The following DACH2 variants were observed in gnomAD, a reference collection of about 807,000 sequenced individuals.
The protein encoded by DACH2 is dachshund family transcription factor 2.
Under a neutral mutation model 35.8 loss-of-function variants are expected in DACH2, and 17 were observed. The ratio of observed to expected loss-of-function variants is 0.48; its 90% CI spans 0.33 to 0.71. The LOEUF (loss-of-function observed/expected upper bound fraction) is 0.71, where lower values mean the gene tolerates loss of function less well. Ranked by LOEUF, DACH2 falls within the 30% of genes least tolerant of loss-of-function variation. DACH2 has a pLI of 0.02. For synonymous variants in DACH2, 195 were observed against 177.3 expected (o/e 1.10, Z -0.79); for missense variants, 469 against 472.7 (o/e 0.99, Z 0.07).
chrX:86,419,297 T>A lies in DACH2; in HGVS notation c.527+42435T>A, dbSNP rs559122463. Reference sequence around the variant, plus strand: ...TTACTGTATTAGTCCATTTTCATGCTGCCGTTAAAGACATACCCGAGACTG... The same window carrying A: ...TTACTGTATTAGTCCATTTTCATGCAGCCGTTAAAGACATACCCGAGACTG... On this transcript the variant is annotated intron_variant, in intron 2 of 11. Coordinates refer to ENST00000373125, the MANE Select transcript of DACH2 (RefSeq NM_053281.3). Among the ~76,000 whole-genome samples the A allele has an allele frequency of 2.4e-4, 27 of 112,024 alleles. No individual in the cohort carries two copies. The South Asian group carries it at 9.3e-3, about 39-fold the overall frequency.
chrX:86,367,752 C>T (rs951730863), intron 1 of DACH2, among the ~76,000 whole-genome samples: 1 of 111,686 alleles, frequency 9.0e-6, no homozygotes, highest in African/African-American at 3.2e-5. Flanking sequence ...AACCCTGTTA[C>T]GTTCAGAATT....
intron 3 of DACH2, among the ~76,000 whole-genome samples, chrX:86,540,143 C>A (rs935808863): frequency 8.9e-6 from 1 of 111,967 alleles, no homozygotes; most frequent in Non-Finnish European, 1.9e-5. Flanking sequence ...TTTGATTTTT[C>A]TATGAGCATT....
At chrX:86,550,033 A>G (rs1252954605) in intron 3 of DACH2, among the ~76,000 whole-genome samples, 1 of 111,688 alleles carries the variant, frequency 9.0e-6, no homozygotes, top group Non-Finnish European at 1.9e-5. Flanking sequence ...ATCTGTAAAG[A>G]TAATTGCAGT....
chrX:86,832,276 T>G lies in DACH2; in HGVS notation c.*121T>G, dbSNP rs2042620576. On this transcript the variant is annotated 3_prime_UTR_variant, in exon 12 of 12. Coordinates refer to ENST00000373125, the MANE Select transcript of DACH2 (RefSeq NM_053281.3). ...GCAAAGCTTTGTTTACTGAAGGAGCTATTTAATCTATGTTACATTAAAAAA... is the reference window on the plus strand; with the variant it reads ...GCAAAGCTTTGTTTACTGAAGGAGCGATTTAATCTATGTTACATTAAAAAA... The G allele has an allele frequency of 1.8e-6, 1 of 550,868 alleles. No homozygotes were observed. Among genetic ancestry groups the G allele is most frequent in the African/African-American group, 2.4e-5 (1 of 42,266 alleles). The allele number at this position is 550,868 out of a possible 1,213,427, so 45.4% of individuals were successfully genotyped here.
chrX:86,455,331 G>A (rs1053926340), intron 2 of DACH2, among the ~76,000 whole-genome samples: 2 of 111,354 alleles, frequency 1.8e-5, no homozygotes, highest in African/African-American at 6.5e-5. Flanking sequence ...TGTGTTGGGA[G>A]GATTCTTTCT....
intron 1 of DACH2, among the ~76,000 whole-genome samples, chrX:86,324,417 T>C (rs1440339436): frequency 2.7e-5 from 3 of 111,214 alleles, no homozygotes; most frequent in African/African-American, 9.8e-5. Flanking sequence ...TAGAATATTA[T>C]ATAAACTTAG....
intron 1 of DACH2, among the ~76,000 whole-genome samples, chrX:86,324,870 A>T (rs767667898): frequency 9.1e-4 from 101 of 110,493 alleles, no homozygotes; most frequent in Middle Eastern, 4.6e-3. Flanking sequence ...CCTTCAGCAG[A>T]TCCCACCGTG....
intron 4 of DACH2, among the ~76,000 whole-genome samples, chrX:86,656,073 T>C (rs34448776): frequency 0.13 from 12,875 of 96,310 alleles, 796 homozygotes; most frequent in East Asian, 0.31. Flanking sequence ...GGTGATTACA[T>C]AGATCAATGA....
chrX:86,593,997 AT>A (rs998906210), intron 3 of DACH2, among the ~76,000 whole-genome samples: 26 of 111,073 alleles, frequency 2.3e-4, no homozygotes, highest in Non-Finnish European at 4.9e-4. Context: ...CTTTTAGAAA[AT>A]TATTAATAAT....
At chrX:86,479,735 A>G (rs1330069375) in intron 2 of DACH2, among the ~76,000 whole-genome samples, 1 of 111,048 alleles carries the variant, frequency 9.0e-6, no homozygotes, top group Non-Finnish European at 1.9e-5. Context: ...TTCTTTCTTC[A>G]CCTTTACCAA....
At chrX:86,348,627 C>CT (rs1386976185) in intron 1 of DACH2, among the ~76,000 whole-genome samples, 6 of 109,869 alleles carry the variant, frequency 5.5e-5, no homozygotes, top group Non-Finnish European at 7.6e-5. Flanking sequence ...TTAATATTTT[C>CT]TTTTTTTTTA....
intron 3 of DACH2, among the ~76,000 whole-genome samples, chrX:86,600,119 G>C (rs767879625): frequency 1.8e-5 from 2 of 112,217 alleles, no homozygotes; most frequent in Non-Finnish European, 3.8e-5. Context: ...TCAGAGTGGA[G>C]CACCTATGTT....
chrX:86,335,911 G>T lies in DACH2; in HGVS notation c.489-40913G>T, dbSNP rs746151325. Among the ~76,000 whole-genome samples the T allele has an allele frequency of 2.7e-5, 3 of 111,502 alleles. No individual in the cohort carries two copies. In the South Asian group the frequency reaches 1.1e-3, roughly 42 times the overall value. On this transcript the variant is annotated intron_variant, in intron 1 of 11. Transcript: ENST00000373125. Reference sequence around the variant, plus strand: ...TATCATGAACAGCTCTTATTATTTTGAGATACGTTCCATCAATACCTAGTT... The same window carrying T: ...TATCATGAACAGCTCTTATTATTTTTAGATACGTTCCATCAATACCTAGTT...
chrX:86,519,706 A>T (rs932235621), intron 3 of DACH2, among the ~76,000 whole-genome samples: 6 of 110,380 alleles, frequency 5.4e-5, no homozygotes, highest in Admixed American at 1.9e-4. Context: ...GTAGTTTCTG[A>T]TGGTTGTTTT....
intron 3 of DACH2, among the ~76,000 whole-genome samples, chrX:86,541,927 A>C (rs2038889439): frequency 8.9e-6 from 1 of 111,897 alleles, no homozygotes; most frequent in African/African-American, 3.2e-5. Flanking sequence ...GTGGTTAAAA[A>C]AGAGAAATTT....
chrX:86,735,567 TC>T (rs1222473808), intron 6 of DACH2, among the ~76,000 whole-genome samples: 1 of 111,755 alleles, frequency 8.9e-6, no homozygotes, highest in Admixed American at 9.6e-5. Flanking sequence ...TTAGGCAAAG[TC>T]CTTGAACTAT....
At chrX:86,498,588 T>C (rs930118631) in intron 2 of DACH2, among the ~76,000 whole-genome samples, 5 of 112,584 alleles carry the variant, frequency 4.4e-5, no homozygotes, top group Non-Finnish European at 9.4e-5. Context: ...TTCCTCAGAA[T>C]TGTTCTTGCT....
chrX:86,438,727 T>A (rs1468102593), intron 2 of DACH2, among the ~76,000 whole-genome samples: 1 of 112,375 alleles, frequency 8.9e-6, no homozygotes, highest in Admixed American at 9.4e-5. Flanking sequence ...GTAATGGGAT[T>A]GCTGGATCAA....
chrX:86,689,365 A>G (rs747140547), intron 4 of DACH2, among the ~76,000 whole-genome samples: 11 of 111,605 alleles, frequency 9.9e-5, no homozygotes, highest in Non-Finnish European at 1.7e-4. Context: ...TTAGCACTTT[A>G]CAATACACTA....
Sources: allele counts gnomAD v4.1 joint callset (sites outside exome capture counted in the v4.1 genomes callset), GRCh38; gene constraint gnomAD v4.1.1; transcripts MANE v1.5; gene names NCBI Gene and HGNC (gene_info 2026-07-23, HGNC 2026-07-21).